The following ACTR3 variants were observed in gnomAD, a reference collection of about 807,000 sequenced individuals.
The protein encoded by ACTR3 is actin related protein 3.
ACTR3 carries 12 observed loss-of-function variants against 56.8 expected under a neutral mutation model. The observed-to-expected ratio is 0.21, with a 90% CI of 0.14 to 0.34. The LOEUF is 0.34. Among genes scored for constraint, ACTR3 ranks in the 10% least tolerant of loss-of-function variants. The probability of loss-of-function intolerance (pLI) is 1.00; values close to 1 mark genes in which losing one functional copy is unlikely to be tolerated. For missense variants in ACTR3, 282 were observed against 512.5 expected (o/e 0.55, Z 4.34); for synonymous variants, 162 against 167.4 (o/e 0.97, Z 0.25).
At chr2:113,899,440 C>T (rs1388131592) in intron 1 of ACTR3, among the ~76,000 whole-genome samples, 5 of 152,120 alleles carry the variant, frequency 3.3e-5, no homozygotes, top group Non-Finnish European at 7.4e-5. Flanking sequence ...CTGTGCTGAA[C>T]ACTATGGTAT....
intron 3 of ACTR3, among the ~76,000 whole-genome samples, chr2:113,922,550 TGTGAAGA>T (rs2104601167): frequency 6.6e-6 from 1 of 152,290 alleles, no homozygotes; most frequent in South Asian, 2.1e-4. Context: ...CACTCGTCAT[TGTGAAGA>T]GTAAAGAGGA....
intron 1 of ACTR3, among the ~76,000 whole-genome samples, chr2:113,895,795 A>G (rs1678995791): frequency 6.6e-6 from 1 of 152,224 alleles, no homozygotes; most frequent in African/African-American, 2.4e-5. Context: ...GACTTTATAC[A>G]CTTCAACCTC....
At chr2:113,950,461 A>G (rs896519934) in intron 8 of ACTR3, among the ~76,000 whole-genome samples, 1 of 152,190 alleles carries the variant, frequency 6.6e-6, no homozygotes, top group African/African-American at 2.4e-5. Context: ...GGGAATGTGC[A>G]CATCAGTGGA....
chr2:113,961,297 G>A lies in ACTR3; in HGVS notation c.*3842G>A, dbSNP rs1488362398. 6.6e-6 allele frequency: 1 copy of A among 151,896 alleles called. No individual in the cohort carries two copies. The highest frequency in any genetic ancestry group is 2.4e-5 in the African/African-American group (1 of 41,376). 9.4% of individuals were successfully genotyped at this position (151,896 alleles called of 1,614,324 possible). A position where few individuals can be genotyped will look rare whatever the true frequency, so the allele number is the denominator to read the frequency against. On this transcript the variant is annotated 3_prime_UTR_variant, in exon 12 of 12. Coordinates refer to ENST00000263238, the MANE Select transcript of ACTR3 (RefSeq NM_005721.5). ...TTTAGCTGATGCATTTGGAGCTTGG[G>A]TGCTGAAATTAAATATAACCTATTT...
At chr2:113,938,812 T>C (rs1314950333) in intron 6 of ACTR3, among the ~76,000 whole-genome samples, 3 of 152,196 alleles carry the variant, frequency 2.0e-5, no homozygotes, top group Non-Finnish European at 2.9e-5. Flanking sequence ...TAATTTGGCC[T>C]ACAAACTTCA....
chr2:113,944,520 G>A (rs1201639295), intron 8 of ACTR3, among the ~76,000 whole-genome samples: 3 of 149,354 alleles, frequency 2.0e-5, no homozygotes, highest in Admixed American at 6.7e-5. Flanking sequence ...AGGCCGAAGC[G>A]GGCAGATCAC....
chr2:113,912,956 A>G (rs974831543), intron 1 of ACTR3, among the ~76,000 whole-genome samples: 32 of 152,090 alleles, frequency 2.1e-4, no homozygotes, highest in African/African-American at 7.7e-4. Flanking sequence ...TTCCTGAAGG[A>G]TCAATTTCTT....
At chr2:113,908,557 A>G (rs11893418) in intron 1 of ACTR3, among the ~76,000 whole-genome samples, 26,585 of 151,758 alleles carry the variant, frequency 0.18, 4,165 homozygotes, top group African/African-American at 0.4. Flanking sequence ...CATCTCACAT[A>G]TAAGCATTAA....
chr2:113,927,025 A>G (rs927235546), intron 3 of ACTR3, among the ~76,000 whole-genome samples: 1 of 152,236 alleles, frequency 6.6e-6, no homozygotes, highest in Non-Finnish European at 1.5e-5. Context: ...TAATTTTTGT[A>G]GGCTAACTTA....
intron 8 of ACTR3, among the ~76,000 whole-genome samples, chr2:113,947,626 T>C (rs1680044270): frequency 6.6e-6 from 1 of 152,144 alleles, no homozygotes; most frequent in Admixed American, 6.5e-5. Context: ...TGTACTCCAG[T>C]GTGAGCAACA....
intron 3 of ACTR3, among the ~76,000 whole-genome samples, chr2:113,924,054 CT>C (rs35658755): frequency 0.14 from 19,114 of 134,788 alleles, 2,025 homozygotes; most frequent in East Asian, 0.34. Context: ...ACTTTTTTCT[CT>C]TTTTTTTTTT....
At chr2:113,901,226 G>A (rs576109666) in intron 1 of ACTR3, among the ~76,000 whole-genome samples, 1 of 152,338 alleles carries the variant, frequency 6.6e-6, no homozygotes, top group South Asian at 2.1e-4. Flanking sequence ...GCTGAGGCAG[G>A]AGAATTGCTT....
chr2:113,931,419 A>T, intron 5 of ACTR3, 23 bp downstream of exon 5: 1 of 1,480,406 alleles, frequency 6.8e-7, no homozygotes, highest in South Asian at 1.3e-5. Context: ...ATACTTTCTA[A>T]GTTTGATTCT....
intron 8 of ACTR3, among the ~76,000 whole-genome samples, chr2:113,946,589 A>G (rs1313122075): frequency 6.6e-6 from 1 of 152,154 alleles, no homozygotes; most frequent in Admixed American, 6.5e-5. Context: ...AGTTCCTTAT[A>G]GATGCTGGAT....
At chr2:113,893,809 A>G (rs1358760861) in intron 1 of ACTR3, among the ~76,000 whole-genome samples, 2 of 152,258 alleles carry the variant, frequency 1.3e-5, no homozygotes, top group Non-Finnish European at 2.9e-5. Flanking sequence ...ATATAGCCCT[A>G]TGGTCAAAGT....
rs75116308 is a variant in ACTR3 at position 113,929,924 on chromosome 2, C to T, written c.337-1377C>T. ...GAACTTCTAGTCTCAAGTAATCTGC[C>T]CACCTCGGCCTCCCAAAGTGCTGGG... On this transcript the variant is annotated intron_variant, in intron 4 of 11. Coordinates refer to ENST00000263238, the MANE Select transcript of ACTR3 (RefSeq NM_005721.5). 0.024 allele frequency among the ~76,000 whole-genome samples: 3,679 copies of T among 152,218 alleles called. 218 individuals carry two copies. The East Asian group carries it at 0.26, about 11-fold the overall frequency.
At chr2:113,924,464 G>T (rs1559473338) in intron 3 of ACTR3, among the ~76,000 whole-genome samples, 1 of 152,038 alleles carries the variant, frequency 6.6e-6, no homozygotes, top group Non-Finnish European at 1.5e-5. Context: ...ACTTGGTTCT[G>T]TTAAGCTTCA....
intron 5 of ACTR3, among the ~76,000 whole-genome samples, 160 bp downstream of exon 5, chr2:113,931,556 A>T (rs964001436): frequency 1.3e-5 from 2 of 151,814 alleles, no homozygotes; most frequent in Admixed American, 1.3e-4. Context: ...AAGTAATATT[A>T]TGGGAAGTGG....
chr2:113,933,338 G>C (rs1265911289), intron 5 of ACTR3, among the ~76,000 whole-genome samples: 1 of 151,994 alleles, frequency 6.6e-6, no homozygotes, highest in Non-Finnish European at 1.5e-5. Context: ...GTGAAACCCC[G>C]TCTCTACTGA....
Sources: gnomAD v4.1 joint callset for allele counts (sites outside exome capture counted in the v4.1 genomes callset) on GRCh38, gnomAD v4.1.1 for gene constraint, MANE v1.5 for transcripts, NCBI Gene and HGNC (gene_info 2026-07-23, HGNC 2026-07-21) for gene names.